ANXA9: variants seen among roughly 807,000 people sequenced by gnomAD.
ANXA9 encodes the protein annexin 31.
A neutral mutation model predicts 51.8 loss-of-function variants in ANXA9; 47 were observed. The ratio of observed to expected loss-of-function variants is 0.91; its 90% CI spans 0.72 to 1.16. ANXA9 has a LOEUF of 1.16. Ranked by LOEUF, ANXA9 falls within the 50% of genes most tolerant of loss-of-function variation. The probability of loss-of-function intolerance (pLI) is 0.00; values close to 1 mark genes in which losing one functional copy is unlikely to be tolerated. For missense variants in ANXA9, 361 were observed against 424.7 expected (o/e 0.85, Z 1.32); for synonymous variants, 154 against 168.7 (o/e 0.91, Z 0.68).
At chr1:150,987,557 G>A (rs142369295) in intron 9 of ANXA9, among the ~76,000 whole-genome samples, 1,890 of 151,266 alleles carry the variant, frequency 0.012, 51 homozygotes, top group African/African-American at 0.043. Flanking sequence ...GTGAAACCCC[G>A]TCTCTACTAA....
At chr1:150,982,624 G>T (rs587725822) in intron 2 of ANXA9, 41 bp downstream of exon 2, 3 of 158,416 alleles carry the variant, frequency 1.9e-5, no homozygotes, top group Admixed American at 1.2e-4. Context: ...TTGCTTGTCA[G>T]CTGGGGCTGC....
chr1:150,983,576 G>T, intron 4 of ANXA9, 142 bp downstream of exon 4: 3 of 824,700 alleles, frequency 3.6e-6, no homozygotes, highest in Non-Finnish European at 5.7e-6. Flanking sequence ...GCCACAGTAG[G>T]TGTGTCAAAC....
intron 8 of ANXA9, 51 bp from the exon 9 acceptor site, chr1:150,986,551 G>T (rs1671563071): frequency 6.2e-7 from 1 of 1,600,498 alleles, no homozygotes; most frequent in Non-Finnish European, 8.6e-7. Flanking sequence ...TTGGTCTGAA[G>T]ATAAAAAGGT....
intron 12 of ANXA9, among the ~76,000 whole-genome samples, chr1:150,991,948 G>A (rs1169540822): frequency 1.3e-5 from 2 of 151,936 alleles, no homozygotes; most frequent in Admixed American, 6.6e-5. Context: ...TGTATTTTTA[G>A]TAGAGACAGG....
chr1:150,982,719 A>G, intron 2 of ANXA9, 136 bp downstream of exon 2: 1 of 197,652 alleles, frequency 5.1e-6, no homozygotes, highest in Non-Finnish European at 1.0e-5. Context: ...TGCACTGCCC[A>G]GGAGACCCCA....
intron 9 of ANXA9, among the ~76,000 whole-genome samples, chr1:150,986,886 A>G (rs1671573563): frequency 6.6e-6 from 1 of 152,124 alleles, no homozygotes; most frequent in Non-Finnish European, 1.5e-5. Flanking sequence ...ATCAACTGAC[A>G]TATTCTCCTC....
At chr1:150,984,228 TG>T in intron 5 of ANXA9, 52 bp from the exon 6 acceptor site, 1 of 1,575,474 alleles carries the variant, frequency 6.3e-7, no homozygotes, top group Non-Finnish European at 8.7e-7. Context: ...CCCACACTTC[TG>T]GGGCCCTTCC....
At chr1:150,986,172 T>C (rs1391384134) in intron 7 of ANXA9, among the ~76,000 whole-genome samples, 164 bp from the exon 8 acceptor site, 1 of 152,176 alleles carries the variant, frequency 6.6e-6, no homozygotes, top group Non-Finnish European at 1.5e-5. Context: ...GTGGCCGTGA[T>C]GGTACTTGTG....
At chr1:150,986,521 G>T (rs758584355) in intron 8 of ANXA9, 81 bp from the exon 9 acceptor site, 1 of 1,576,434 alleles carries the variant, frequency 6.3e-7, no homozygotes, top group Non-Finnish European at 8.7e-7. Flanking sequence ...AGGGCTTTAG[G>T]GGAGACCAGC....
rs1381188867 is a variant in ANXA9, at chr1:150,983,408, G to A, written c.146G>A (p.Arg49Lys). 6.2e-7 allele frequency: 1 copy of A among 1,613,152 alleles called. No homozygotes were observed. The highest frequency in any genetic ancestry group is 8.5e-7 in the Non-Finnish European group (1 of 1,179,584). Residue 49 changes from arginine to lysine, a missense_variant, in exon 4 of 14, where the codon AGG (arginine) becomes AAG (lysine). By Grantham distance (26) the Arg-to-Lys change is conservative. Transcript: ENST00000368947. ...LNFSVDKDAQRLLRAITGQGV... is the reference protein window; with the variant it reads ...LNFSVDKDAQKLLRAITGQGV... ...TTCAGCGTGGACAAGGATGCGCAGA[G>A]GCTACTGAGGGCCATTACTGGCCAA...
chr1:150,984,500 A>T, intron 6 of ANXA9, 86 bp from the exon 7 acceptor site: 3 of 1,528,160 alleles, frequency 2.0e-6, no homozygotes, highest in Non-Finnish European at 2.7e-6. Flanking sequence ...ATTGTTTCTT[A>T]GAAGGAGAAG....
chr1:150,984,677 G>C lies in ANXA9; in HGVS notation c.472+1G>C. 1 of 1,613,430 alleles carries C rather than the reference G, an allele frequency of 6.2e-7. No individual in the cohort carries two copies. Among genetic ancestry groups the C allele is most frequent in the Admixed American group, 1.7e-5 (1 of 59,972 alleles). ...GAGTGCCTGGCAGTCTACAAACACA[G>C]TAAGAATATAGAGGGAGGGGTCCCA... On this transcript the variant is annotated splice_donor_variant, in intron 7 of 13. Coordinates refer to ENST00000368947, the MANE Select transcript of ANXA9 (RefSeq NM_003568.3). LOFTEE classifies it high-confidence loss of function.
At chr1:150,977,478 C>T (rs1055982091), upstream of ANXA9, among the ~76,000 whole-genome samples, 2 of 152,200 alleles carry the variant, frequency 1.3e-5, no homozygotes, top group East Asian at 1.9e-4. Flanking sequence ...GGCATGGCCA[C>T]GCCCACAGTG....
intron 9 of ANXA9, 127 bp from the exon 10 acceptor site, chr1:150,987,744 AT>A: frequency 5.3e-6 from 4 of 750,880 alleles, no homozygotes; most frequent in Non-Finnish European, 8.6e-6. Flanking sequence ...AAAAAAAAAA[AT>A]CCTTTTCCAC....
upstream of ANXA9, among the ~76,000 whole-genome samples, chr1:150,977,726 A>G (rs1385125634): frequency 6.6e-6 from 1 of 152,236 alleles, no homozygotes; most frequent in Non-Finnish European, 1.5e-5. Flanking sequence ...CTAGTACCTA[A>G]TGGAGATTCA....
At chr1:150,977,381 C>T (rs144598921), upstream of ANXA9, among the ~76,000 whole-genome samples, 7 of 152,314 alleles carry the variant, frequency 4.6e-5, no homozygotes, top group African/African-American at 9.6e-5. Flanking sequence ...TTTGTCAGCA[C>T]GCTTGGGGAG....
At chr1:150,984,467 G>A in intron 6 of ANXA9, 73 bp downstream of exon 6, 2 of 1,559,222 alleles carry the variant, frequency 1.3e-6, no homozygotes, top group South Asian at 1.1e-5. Flanking sequence ...TGCAAGACGA[G>A]AGTCCCCCTC....
Position 150,988,330 on chromosome 1 carries a change from CA to C in ANXA9, c.843del (p.Ala282ProfsTer12). ...TPLYFADKLH[Q>X]ALQETEPNYQ... is the part of the protein sequence containing the mutation. ...GCTGTACTTTGCTGACAAACTTCAT[CA>C]AGCCCTCCAGGTGAGAGGGGCACTC... On this transcript the variant is annotated frameshift_variant, in exon 12 of 14. Transcript: ENST00000368947. LOFTEE classifies it high-confidence loss of function. 6.2e-7 allele frequency: 1 copy of C among 1,614,114 alleles called. No individual in the cohort carries two copies. Among genetic ancestry groups the C allele is most frequent in the African/African-American group, 1.3e-5 (1 of 75,040 alleles).
intron 4 of ANXA9, 130 bp from the exon 5 acceptor site, chr1:150,983,845 A>G: frequency 2.4e-6 from 2 of 832,048 alleles, no homozygotes; most frequent in Non-Finnish European, 3.8e-6. Flanking sequence ...ATAAAATGGA[A>G]GTGGGGGTGA....
Sources: allele counts gnomAD v4.1 joint callset (sites outside exome capture counted in the v4.1 genomes callset), GRCh38; gene constraint gnomAD v4.1.1; transcripts MANE v1.5; gene names NCBI Gene and HGNC (gene_info 2026-07-23, HGNC 2026-07-21).